The following BEAN1 variants were observed in gnomAD, a reference collection of about 807,000 sequenced individuals.
BEAN1 encodes brain expressed associated with NEDD4 1, also known as protein BEAN1.
A neutral mutation model predicts 17.7 loss-of-function variants in BEAN1; 17 were observed. That is an observed-to-expected ratio of 0.96 (90% CI 0.66 to 1.44). The LOEUF (loss-of-function observed/expected upper bound fraction) is 1.44, where lower values mean the gene tolerates loss of function less well. BEAN1 is among the 40% of genes most tolerant of loss of function. BEAN1 has a pLI of 0.00. For synonymous variants in BEAN1, 142 were observed against 151.8 expected (o/e 0.94, Z 0.47); for missense variants, 359 against 374.1 (o/e 0.96, Z 0.33).
chr16:66,436,283 T>TC (rs1962014029), intron 1 of BEAN1, among the ~76,000 whole-genome samples: 1 of 147,984 alleles, frequency 6.8e-6, no homozygotes, highest in East Asian at 1.9e-4. Flanking sequence ...TTTTTTTTTT[T>TC]TTGAGACAGA....
intron 1 of BEAN1, among the ~76,000 whole-genome samples, chr16:66,429,469 G>A (rs745586689): frequency 3.9e-5 from 6 of 152,142 alleles, no homozygotes; most frequent in Non-Finnish European, 8.8e-5. Flanking sequence ...GCGGGTGGGC[G>A]GGCAGGAGTG....
chr16:66,437,121 A>T (rs1962057452), intron 1 of BEAN1, among the ~76,000 whole-genome samples: 1 of 151,982 alleles, frequency 6.6e-6, no homozygotes, highest in Admixed American at 6.6e-5. Flanking sequence ...TAATAATAAT[A>T]ATAATATGGT....
downstream of BEAN1, among the ~76,000 whole-genome samples, chr16:66,494,033 C>CCCACTATA (rs1345560742): frequency 6.6e-6 from 1 of 152,184 alleles, no homozygotes; most frequent in Non-Finnish European, 1.5e-5. Context: ...CACCCCAGCA[C>CCCACTATA]CCACTATACC....
Position 66,480,980 on chromosome 16 carries a change from G to A in BEAN1, c.*55G>A, listed in dbSNP as rs1188834106. 4 of 1,329,976 alleles carry A rather than the reference G, an allele frequency of 3.0e-6. No homozygotes were observed. Among genetic ancestry groups the A allele is most frequent in the Non-Finnish European group, 4.0e-6 (4 of 1,001,296 alleles). 82.4% of individuals were successfully genotyped at this position (1,329,976 alleles called of 1,614,324 possible). ...CCTACAGGCTGAACCACATTCTTTA[G>A]GCACACAAAGGCGTGCACACACACA... On this transcript the variant is annotated 3_prime_UTR_variant, in exon 5 of 5. Coordinates refer to ENST00000536005, the MANE Select transcript of BEAN1 (RefSeq NM_001178020.3).
chr16:66,446,891 C>T (rs1651234445), intron 2 of BEAN1, among the ~76,000 whole-genome samples: 1 of 152,138 alleles, frequency 6.6e-6, no homozygotes, highest in Non-Finnish European at 1.5e-5. Flanking sequence ...TGCATCTGGA[C>T]CTGTGCCCAG....
intron 3 of BEAN1, chr16:66,470,087 C>G: frequency 3.0e-6 from 2 of 658,606 alleles, no homozygotes; most frequent in Non-Finnish European, 5.1e-6. Context: ...CAGAGTGAGG[C>G]TGAAGGTCAG....
chr16:66,431,919 G>A (rs1210342810), intron 1 of BEAN1, among the ~76,000 whole-genome samples: 1 of 151,992 alleles, frequency 6.6e-6, no homozygotes, highest in African/African-American at 2.4e-5. Flanking sequence ...CGATTCTCCT[G>A]CCTCAGTCTC....
chr16:66,457,782 G>GC (rs766284709), intron 2 of BEAN1, among the ~76,000 whole-genome samples: 1 of 145,856 alleles, frequency 6.9e-6, no homozygotes, highest in Non-Finnish European at 1.5e-5. Flanking sequence ...CTAAAAAGTT[G>GC]CCCAAAAAAA....
At chr16:66,468,019 G>C (rs1215915457) in intron 2 of BEAN1, among the ~76,000 whole-genome samples, 1 of 152,224 alleles carries the variant, frequency 6.6e-6, no homozygotes, top group Non-Finnish European at 1.5e-5. Flanking sequence ...AACGATCACA[G>C]CTGAGTGTCA....
At chr16:66,490,456 A>C (rs1450577643) in intron 4 of BEAN1, among the ~76,000 whole-genome samples, 2 of 126,612 alleles carry the variant, frequency 1.6e-5, no homozygotes, top group Non-Finnish European at 3.2e-5. Context: ...AAATAAAATA[A>C]TAAAATAAAA....
intron 2 of BEAN1, among the ~76,000 whole-genome samples, chr16:66,444,446 C>A (rs973351265): frequency 6.6e-6 from 1 of 152,078 alleles, no homozygotes; most frequent in Non-Finnish European, 1.5e-5. Context: ...GGAGGCAGGT[C>A]CCCTCGGTGG....
At chr16:66,438,030 A>G (rs982269097) in intron 2 of BEAN1, 17 of 411,766 alleles carry the variant, frequency 4.1e-5, no homozygotes, top group African/African-American at 3.2e-4. Context: ...AAGTGGGAAA[A>G]ATGCTGGGGG....
intron 1 of BEAN1, among the ~76,000 whole-genome samples, chr16:66,435,927 A>G (rs1049002566): frequency 5.9e-5 from 9 of 152,206 alleles, no homozygotes; most frequent in Middle Eastern, 3.4e-3. Context: ...TGGTGTCCTC[A>G]TATTCTTCTT....
chr16:66,433,930 A>G (rs1961907199), intron 1 of BEAN1, among the ~76,000 whole-genome samples: 1 of 152,142 alleles, frequency 6.6e-6, no homozygotes, highest in South Asian at 2.1e-4. Context: ...CCTTAGCCAC[A>G]TGCTCCCCTG....
chr16:66,466,402 C>G (rs1474783423), intron 2 of BEAN1, among the ~76,000 whole-genome samples: 1 of 152,178 alleles, frequency 6.6e-6, no homozygotes, highest in Non-Finnish European at 1.5e-5. Context: ...ATTTCCTTCT[C>G]TCTGCCCACT....
intron 2 of BEAN1, among the ~76,000 whole-genome samples, chr16:66,459,091 G>A (rs1466263651): frequency 1.3e-5 from 2 of 152,192 alleles, no homozygotes; most frequent in South Asian, 2.1e-4. Flanking sequence ...CATCCAAGCC[G>A]TGCTCAGCTC....
intron 2 of BEAN1, 132 bp downstream of exon 2, chr16:66,437,833 T>C (rs1489455265): frequency 1.6e-6 from 2 of 1,225,168 alleles, no homozygotes; most frequent in East Asian, 2.5e-5. Flanking sequence ...TAATGTGGCA[T>C]GCTGGGTGGG....
rs1424271728 is a variant in BEAN1 at position 66,471,306 on chromosome 16, G to A, written c.289+1441G>A. ...AGTGAGTAAGGAGTGCTTGCTGGGT[G>A]CCTGGCGCTGTCTGTGCACATAATC... On this transcript the variant is annotated intron_variant, in intron 3 of 4. Transcript: ENST00000536005. The surrounding 1 kb of genome is among the most constrained non-coding windows in gnomAD (Gnocchi z 4.7). Among the ~76,000 whole-genome samples the A allele has an allele frequency of 6.6e-6, 1 of 152,194 alleles. No homozygotes were observed. The highest frequency in any genetic ancestry group is 6.5e-5 in the Admixed American group (1 of 15,284).
intron 1 of BEAN1, among the ~76,000 whole-genome samples, chr16:66,430,690 C>T (rs1298590444): frequency 2.0e-5 from 3 of 152,158 alleles, no homozygotes; most frequent in African/African-American, 4.8e-5. Flanking sequence ...TGTTCATTAC[C>T]TATCCTTCTT....
Sources: gnomAD v4.1 joint callset for allele counts (sites outside exome capture counted in the v4.1 genomes callset) on GRCh38, gnomAD v4.1.1 for gene constraint, Gnocchi (gnomAD v3.1) non-coding constraint, MANE v1.5 for transcripts, NCBI Gene and HGNC (gene_info 2026-07-23, HGNC 2026-07-21) for gene names.